Variants in COP1 observed in about 807,000 individuals in gnomAD.
COP1 encodes the protein COP1 E3 ubiquitin ligase, also known as E3 ubiquitin-protein ligase COP1.
In COP1, 24 loss-of-function variants were observed where a neutral mutation model predicts 101.3. The observed-to-expected ratio is 0.24, with a 90% CI of 0.17 to 0.33. The LOEUF (loss-of-function observed/expected upper bound fraction) is 0.33. COP1 is among the 10% of genes least tolerant of loss of function. COP1 has a pLI of 1.00. For synonymous variants in COP1, 347 were observed against 341.9 expected (o/e 1.01, Z -0.17); for missense variants, 663 against 906.2 (o/e 0.73, Z 3.45).
At chr1:176,119,749 C>A (rs924639604) in intron 8 of COP1, among the ~76,000 whole-genome samples, 3 of 152,108 alleles carry the variant, frequency 2.0e-5, no homozygotes, top group African/African-American at 7.2e-5. Context: ...CCTGACTCAT[C>A]CACAGTCACT....
intron 18 of COP1, among the ~76,000 whole-genome samples, chr1:175,958,585 AC>A (rs1650963033): frequency 6.6e-6 from 1 of 152,066 alleles, no homozygotes; most frequent in Non-Finnish European, 1.5e-5. Flanking sequence ...TAACTATTAA[AC>A]AAAATCAGAA....
At chr1:176,160,279 T>TTA in intron 5 of COP1, 1 of 408,490 alleles carries the variant, frequency 2.4e-6, no homozygotes, top group Non-Finnish European at 4.8e-6. Context: ...TTTTTTTTTT[T>TTA]TTTTACTTTA....
chr1:175,982,374 GC>G (rs1263401299), intron 18 of COP1: 2 of 456,396 alleles, frequency 4.4e-6, no homozygotes, highest in Non-Finnish European at 8.8e-6. Flanking sequence ...CCACTTATAT[GC>G]AAATTTTCTT....
intron 14 of COP1, among the ~76,000 whole-genome samples, chr1:176,042,412 A>C (rs1188847290): frequency 6.7e-6 from 1 of 149,382 alleles, no homozygotes; most frequent in Non-Finnish European, 1.5e-5. Context: ...AAATACAAAA[A>C]ATTAGCCAGG....
intron 2 of COP1, 58 bp from the exon 3 acceptor site, chr1:176,176,065 G>T: frequency 1.2e-6 from 1 of 807,956 alleles, no homozygotes. Flanking sequence ...TTAATAAACT[G>T]GTCACAAAAT....
intron 1 of COP1, among the ~76,000 whole-genome samples, chr1:176,196,988 T>C (rs1187634448): frequency 6.6e-6 from 1 of 152,048 alleles, no homozygotes; most frequent in African/African-American, 2.4e-5. Flanking sequence ...CAATAATACC[T>C]ATGTTACGGG....
chr1:176,071,608 C>T (rs1373830998), intron 11 of COP1, among the ~76,000 whole-genome samples: 1 of 152,076 alleles, frequency 6.6e-6, no homozygotes, highest in Non-Finnish European at 1.5e-5. Context: ...GAAAGATTTT[C>T]TAAATAAAAT....
intron 2 of COP1, among the ~76,000 whole-genome samples, chr1:176,180,917 T>C (rs930662609): frequency 6.6e-6 from 1 of 152,160 alleles, no homozygotes. Flanking sequence ...TGCTGGGAGA[T>C]GACGATGCTG....
intron 14 of COP1, among the ~76,000 whole-genome samples, chr1:176,042,257 C>G (rs1366532869): frequency 2.0e-5 from 2 of 98,086 alleles, no homozygotes; most frequent in Non-Finnish European, 3.9e-5. Context: ...GGCGACACAG[C>G]GAAACTCTAT....
At chr1:176,159,613 T>C (rs753825269) in intron 5 of COP1, among the ~76,000 whole-genome samples, 7 of 152,126 alleles carry the variant, frequency 4.6e-5, no homozygotes, top group Non-Finnish European at 1.0e-4. Context: ...CAGATTACTA[T>C]AAGAATTTAA....
intron 9 of COP1, among the ~76,000 whole-genome samples, chr1:176,105,988 T>A (rs999632994): frequency 6.6e-6 from 1 of 152,200 alleles, no homozygotes; most frequent in African/African-American, 2.4e-5. Context: ...CAGGCTTAAC[T>A]AACTTTGGGA....
chr1:176,101,781 T>G (rs1427576201), intron 9 of COP1, among the ~76,000 whole-genome samples: 7 of 152,228 alleles, frequency 4.6e-5, no homozygotes. Context: ...CAAATGGTCA[T>G]GCAACCGAAG....
chr1:176,150,857 CA>C (rs1392100766), intron 5 of COP1, among the ~76,000 whole-genome samples: 1 of 152,154 alleles, frequency 6.6e-6, no homozygotes, highest in African/African-American at 2.4e-5. Flanking sequence ...CACCACATGA[CA>C]CCTTCTTCTG....
At chr1:175,950,416 A>G (rs1232590755) in intron 18 of COP1, among the ~76,000 whole-genome samples, 1 of 151,872 alleles carries the variant, frequency 6.6e-6, no homozygotes, top group Non-Finnish European at 1.5e-5. Context: ...TTTTTTTTGC[A>G]TGCAACAGAA....
intron 2 of COP1, among the ~76,000 whole-genome samples, chr1:176,179,896 C>T (rs886187203): frequency 6.6e-5 from 10 of 151,066 alleles, no homozygotes; most frequent in African/African-American, 2.4e-4. Flanking sequence ...CTGGAAGTAA[C>T]TGTCCTCACT....
At chr1:176,057,370 T>C (rs11576471) in intron 11 of COP1, among the ~76,000 whole-genome samples, 103,343 of 151,930 alleles carry the variant, frequency 0.68, 36,677 homozygotes, top group East Asian at 0.92. Flanking sequence ...TTCCACGATC[T>C]CCCTCTGATG....
chr1:176,086,504 G>T (rs1278756097), intron 9 of COP1, among the ~76,000 whole-genome samples: 1 of 152,084 alleles, frequency 6.6e-6, no homozygotes, highest in Non-Finnish European at 1.5e-5. Flanking sequence ...GGGATTACAG[G>T]CATGAGCCAC....
In COP1 at chr1:176,081,139, G is replaced by A; in HGVS notation, c.1277+13C>T. The stretch of plus-strand genomic sequence containing the variant: ...TTCTTACAAAAGAAAATAGTAATTT[G>A]ACCAATACTTACCTAGAGACTATAC... On this transcript the variant is annotated intron_variant, in intron 11 of 19. Coordinates refer to ENST00000367669, the MANE Select transcript of COP1 (RefSeq NM_022457.7). 6.3e-7 allele frequency: 1 copy of A among 1,579,120 alleles called. No homozygotes were observed. Among genetic ancestry groups the A allele is most frequent in the Non-Finnish European group, 8.6e-7 (1 of 1,158,640 alleles).
At position 176,206,731 on chromosome 1, in the gene COP1, G is replaced by T; in HGVS notation, c.248C>A (p.Ser83Tyr). 1.3e-6 allele frequency: 2 copies of T among 1,566,878 alleles called. No individual in the cohort carries two copies. Among genetic ancestry groups the T allele is most frequent in the Non-Finnish European group, 1.7e-6 (2 of 1,164,286 alleles). The change falls in exon 1 of 20, where the codon TCC (serine) becomes TAC (tyrosine). Residue 83 changes from serine to tyrosine, a missense_variant. By Grantham distance (144) the Ser-to-Tyr change is moderately radical. Transcript: ENST00000367669. ...AVSGSGGGAV[S>Y]TGLSRHSCAA... Reference sequence around the variant, plus strand: ...GCAGCTGTGCCGGGACAGGCCCGTGGACACCGCCCCGCCGCCGCTACCCGA... The same window carrying T: ...GCAGCTGTGCCGGGACAGGCCCGTGTACACCGCCCCGCCGCCGCTACCCGA...
Sources: allele counts gnomAD v4.1 joint callset (sites outside exome capture counted in the v4.1 genomes callset), GRCh38; gene constraint gnomAD v4.1.1; transcripts MANE v1.5; gene names NCBI Gene and HGNC (gene_info 2026-07-23, HGNC 2026-07-21).